Variants in SLC24A4 observed in about 807,000 individuals in gnomAD.
SLC24A4 encodes the protein sodium/potassium/calcium exchanger 4.
A neutral mutation model predicts 79.0 loss-of-function variants in SLC24A4; 53 were observed. The ratio of observed to expected loss-of-function variants is 0.67; its 90% CI spans 0.54 to 0.84. SLC24A4 has a LOEUF of 0.84. Among genes scored for constraint, SLC24A4 ranks in the 40% least tolerant of loss-of-function variants. The pLI is 0.00. For missense variants in SLC24A4, 731 were observed against 822.0 expected (o/e 0.89, Z 1.35); for synonymous variants, 323 against 323.8 (o/e 1.00, Z 0.03).
chr14:92,383,074 G>A (rs1252476606), intron 2 of SLC24A4, among the ~76,000 whole-genome samples: 2 of 152,130 alleles, frequency 1.3e-5, no homozygotes, highest in African/African-American at 2.4e-5. Context: ...GTAGTTGGCC[G>A]GCTGCCTGCT....
intron 14 of SLC24A4, 55 bp downstream of exon 14, chr14:92,486,835 G>A (rs1378353103): frequency 1.2e-5 from 15 of 1,298,842 alleles, no homozygotes; most frequent in Middle Eastern, 1.9e-4. Context: ...CTGTGTCCTC[G>A]TCCCTGCCTG....
chr14:92,347,142 G>A (rs886894769), intron 2 of SLC24A4, among the ~76,000 whole-genome samples: 24 of 152,130 alleles, frequency 1.6e-4, no homozygotes, highest in African/African-American at 4.8e-4. Flanking sequence ...GCCCTTCAGC[G>A]GGTTCTGATG....
Position 92,351,236 on chromosome 14 carries a change from G to GCGCGCACACACA in SLC24A4, c.241+25259_241+25260insGCGCACACACAC, listed in dbSNP as rs112120101. On this transcript the variant is annotated intron_variant, in intron 2 of 16. Transcript: ENST00000532405. ...CTCTCTTTCACACACACACATACAC[G>GCGCGCACACACA]CACACACACACACACACACACAAAA... is the stretch of plus-strand genomic sequence containing the variant. 1.6e-3 allele frequency among the ~76,000 whole-genome samples: 236 copies of GCGCGCACACACA among 147,066 alleles called. 1 individual carries two copies. The highest frequency in any genetic ancestry group is 5.6e-3 in the African/African-American group (222 of 39,970).
Position 92,470,295 on chromosome 14 carries a change from C to A in SLC24A4, c.1256-12385C>A, listed in dbSNP as rs369119186. ...GAACCACTGCTTCAGAATCTGTGCTCTCCAGGTCATATAAGTGCTCTGAGC... is the reference window on the plus strand; with the variant it reads ...GAACCACTGCTTCAGAATCTGTGCTATCCAGGTCATATAAGTGCTCTGAGC... On this transcript the variant is annotated intron_variant, in intron 12 of 16. Coordinates refer to ENST00000532405, the MANE Select transcript of SLC24A4 (RefSeq NM_153646.4). 2.3e-4 allele frequency among the ~76,000 whole-genome samples: 35 copies of A among 152,310 alleles called. 2 individuals are homozygous for A. The highest frequency in any genetic ancestry group is 7.2e-4 in the African/African-American group (30 of 41,572).
At chr14:92,372,920 T>TTCCTTCCTCC (rs1220049614) in intron 2 of SLC24A4, among the ~76,000 whole-genome samples, 1 of 83,496 alleles carries the variant, frequency 1.2e-5, no homozygotes, top group African/African-American at 4.4e-5. Flanking sequence ...TTCCTTCCTT[T>TTCCTTCCTCC]CTTTCTCTTT....
At chr14:92,365,342 G>GTGTTGTATAGTTGTATTGTATAGTATAGA (rs1887768643) in intron 2 of SLC24A4, among the ~76,000 whole-genome samples, 1 of 152,246 alleles carries the variant, frequency 6.6e-6, no homozygotes, top group Non-Finnish European at 1.5e-5. Context: ...GCCATTCCAA[G>GTGTTGTATAGTTGTATTGTATAGTATAGA]CCTTGCCATG....
chr14:92,402,997 C>G (rs918449607), intron 2 of SLC24A4, among the ~76,000 whole-genome samples: 1 of 152,162 alleles, frequency 6.6e-6, no homozygotes, highest in African/African-American at 2.4e-5. Context: ...TAGCAGAGAT[C>G]CTCCCAGGTG....
Position 92,454,070 on chromosome 14 carries a change from G to A in SLC24A4, c.1050+1G>A. On this transcript the variant is annotated splice_donor_variant, in intron 11 of 16. Coordinates refer to ENST00000532405, the MANE Select transcript of SLC24A4 (RefSeq NM_153646.4). LOFTEE classifies it high-confidence loss of function. ...GGCCAGCAGGATCATCATTAATGAG[G>A]TGAGTTTGCTTGAAGGACCATAAAA... The A allele has an allele frequency of 4.3e-6, 7 of 1,611,958 alleles. No individual in the cohort carries two copies. Among genetic ancestry groups the A allele is most frequent in the Non-Finnish European group, 5.9e-6 (7 of 1,179,060 alleles).
intron 2 of SLC24A4, among the ~76,000 whole-genome samples, chr14:92,392,957 A>G (rs886192466): frequency 8.6e-5 from 12 of 138,994 alleles, no homozygotes; most frequent in African/African-American, 2.6e-4. Flanking sequence ...CATGGGAGGC[A>G]CCATCTATGA....
intron 2 of SLC24A4, among the ~76,000 whole-genome samples, chr14:92,351,808 G>T (rs1886894651): frequency 6.6e-6 from 1 of 151,960 alleles, no homozygotes; most frequent in Non-Finnish European, 1.5e-5. Flanking sequence ...AGGTTGCAGT[G>T]AGCCGAGACT....
At chr14:92,372,634 A>G (rs1888233657) in intron 2 of SLC24A4, among the ~76,000 whole-genome samples, 1 of 152,140 alleles carries the variant, frequency 6.6e-6, no homozygotes, top group East Asian at 1.9e-4. Context: ...ATCCAGGTCC[A>G]TGTTTTCTAG....
chr14:92,486,696 C>A lies in SLC24A4; in HGVS notation c.1453C>A (p.Pro485Thr), dbSNP rs1895379834. 6.2e-7 allele frequency: 1 copy of A among 1,613,984 alleles called. No individual in the cohort carries two copies. Among genetic ancestry groups the A allele is most frequent in the African/African-American group, 1.3e-5 (1 of 74,920 alleles). Residue 485 changes from proline (P) to threonine (T), a missense_variant, in exon 14 of 17, where the codon CCG becomes ACG. Coordinates refer to ENST00000532405, the MANE Select transcript of SLC24A4 (RefSeq NM_153646.4). ...VTIIGYTLGI[P>T]DVIMGITFLA... Reference sequence around the variant, plus strand: ...TATTATCGGATACACACTTGGGATCCCGGATGTCATCATGGGCATTACTTT... The same window carrying A: ...TATTATCGGATACACACTTGGGATCACGGATGTCATCATGGGCATTACTTT...
intron 2 of SLC24A4, among the ~76,000 whole-genome samples, chr14:92,374,897 A>G (rs1394459243): frequency 5.9e-5 from 9 of 152,214 alleles, no homozygotes; most frequent in Non-Finnish European, 1.5e-5. Flanking sequence ...TTTGAAATGC[A>G]TATGTGTTTT....
At chr14:92,442,067 T>G in intron 4 of SLC24A4, 22 bp from the exon 5 acceptor site, 1 of 1,604,994 alleles carries the variant, frequency 6.2e-7, no homozygotes, top group Non-Finnish European at 8.5e-7. Context: ...ACCCTGAGGG[T>G]CTGTGGTCAC....
At chr14:92,440,853 GAGGGA>G (rs542463010) in intron 4 of SLC24A4, among the ~76,000 whole-genome samples, 51 of 151,380 alleles carry the variant, frequency 3.4e-4, no homozygotes, top group Admixed American at 2.0e-3. Flanking sequence ...AGCAAGCAGA[GAGGGA>G]AGGGAAGGGA....
intron 9 of SLC24A4, among the ~76,000 whole-genome samples, chr14:92,447,661 G>A (rs1309340616): frequency 2.6e-5 from 4 of 152,190 alleles, no homozygotes; most frequent in African/African-American, 9.7e-5. Context: ...CTGATGTGTG[G>A]ACCACAAGGC....
chr14:92,468,892 CTGTGTG>C (rs57575129), intron 12 of SLC24A4, among the ~76,000 whole-genome samples: 2,053 of 81,410 alleles, frequency 0.025, 31 homozygotes, highest in Middle Eastern at 0.048. Context: ...AATCATGTAT[CTGTGTG>C]TGTGTGTGTG....
At chr14:92,426,613 T>A (rs1891579514) in intron 2 of SLC24A4, among the ~76,000 whole-genome samples, 1 of 152,242 alleles carries the variant, frequency 6.6e-6, no homozygotes, top group Non-Finnish European at 1.5e-5. Context: ...CTCCTTCTCA[T>A]GCTAGTTAAG....
chr14:92,418,677 G>A (rs573341858), intron 2 of SLC24A4, among the ~76,000 whole-genome samples: 1 of 152,100 alleles, frequency 6.6e-6, no homozygotes, highest in South Asian at 2.1e-4. Context: ...TTGTTTTGTT[G>A]TTTGTTTTTG....
Sources: gnomAD v4.1 joint callset for allele counts (sites outside exome capture counted in the v4.1 genomes callset) on GRCh38, gnomAD v4.1.1 for gene constraint, MANE v1.5 for transcripts, NCBI Gene and HGNC (gene_info 2026-07-23, HGNC 2026-07-21) for gene names.